Variants in FRMPD4 observed in about 807,000 individuals in gnomAD.
FRMPD4 encodes the protein FERM and PDZ domain-containing protein 4.
FRMPD4 carries 22 observed loss-of-function variants against 94.1 expected under a neutral mutation model. The observed-to-expected ratio is 0.23, with a 90% CI of 0.17 to 0.33. The LOEUF (loss-of-function observed/expected upper bound fraction) is 0.33. FRMPD4 is among the 10% of genes least tolerant of loss of function. FRMPD4 has a pLI of 1.00. For missense variants in FRMPD4, 1,111 were observed against 1,339.9 expected (o/e 0.83, Z 2.67); for synonymous variants, 631 against 548.6 (o/e 1.15, Z -2.10).
intron 4 of FRMPD4, among the ~76,000 whole-genome samples, chrX:12,647,628 A>G (rs1278982711): frequency 1.8e-5 from 2 of 111,057 alleles, no homozygotes; most frequent in Non-Finnish European, 3.8e-5. Context: ...CCCCTTGAAC[A>G]CTCACTCTAT....
chrX:12,490,517 A>G (rs1408057118), intron 1 of FRMPD4, among the ~76,000 whole-genome samples: 1 of 112,406 alleles, frequency 8.9e-6, no homozygotes, highest in African/African-American at 3.2e-5. Context: ...CAAACTAGGC[A>G]TTCAATCAAT....
At chrX:12,479,779 C>T (rs2057659954) in intron 1 of FRMPD4, among the ~76,000 whole-genome samples, 1 of 110,486 alleles carries the variant, frequency 9.1e-6, no homozygotes, top group Non-Finnish European at 1.9e-5. Context: ...GGATTATAGG[C>T]ATGAGCCACT....
At chrX:11,838,543 G>C (rs2053514972) in intron 1 of FRMPD4, among the ~76,000 whole-genome samples, 5 of 111,178 alleles carry the variant, frequency 4.5e-5, no homozygotes, top group Admixed American at 1.9e-4. Context: ...TGAACGTATA[G>C]AGTTGTGTAA....
intron 1 of FRMPD4, among the ~76,000 whole-genome samples, chrX:12,307,586 G>T (rs2147900849): frequency 9.0e-6 from 1 of 111,591 alleles, no homozygotes; most frequent in South Asian, 3.8e-4. Context: ...GGGAAGTATT[G>T]ACTGGGAAGA....
intron 1 of FRMPD4, among the ~76,000 whole-genome samples, chrX:12,228,561 C>T (rs1248706961): frequency 1.8e-5 from 2 of 111,888 alleles, no homozygotes; most frequent in African/African-American, 6.5e-5. Context: ...GGGTCTAGTC[C>T]ACCAGACATG....
intron 4 of FRMPD4, among the ~76,000 whole-genome samples, chrX:12,667,687 A>G (rs113555284): frequency 2.4e-4 from 27 of 112,129 alleles, no homozygotes; most frequent in African/African-American, 4.5e-4. Flanking sequence ...ATGACATCCA[A>G]TGAAATCATA....
intron 2 of FRMPD4, among the ~76,000 whole-genome samples, chrX:12,586,553 T>C (rs2058930068): frequency 8.9e-6 from 1 of 112,655 alleles, no homozygotes; most frequent in African/African-American, 3.2e-5. Context: ...AAGCGGACCA[T>C]GCAGACATAA....
intron 3 of FRMPD4, among the ~76,000 whole-genome samples, chrX:12,114,036 G>A: frequency 9.0e-6 from 1 of 111,668 alleles, no homozygotes; most frequent in East Asian, 2.8e-4. Context: ...TAATCTCTTT[G>A]TATCTTTTTA....
At chrX:12,550,521 A>G (rs1297169132) in intron 2 of FRMPD4, among the ~76,000 whole-genome samples, 3 of 111,633 alleles carry the variant, frequency 2.7e-5, no homozygotes, top group Admixed American at 9.5e-5. Flanking sequence ...GTATACTGCT[A>G]CTGAATATTT....
chrX:11,838,155 C>A (rs911712361), intron 1 of FRMPD4, among the ~76,000 whole-genome samples: 30 of 111,243 alleles, frequency 2.7e-4, no homozygotes, highest in African/African-American at 9.8e-4. Flanking sequence ...CAGAACACAC[C>A]ACAAAGATCT....
intron 1 of FRMPD4, among the ~76,000 whole-genome samples, chrX:12,150,304 C>T (rs1420169610): frequency 8.9e-6 from 1 of 112,003 alleles, no homozygotes; most frequent in Non-Finnish European, 1.9e-5. Flanking sequence ...CATCAGATTG[C>T]ACTGCTCCTT....
chrX:11,828,612 G>T (rs913346299), intron 1 of FRMPD4, among the ~76,000 whole-genome samples: 1 of 112,129 alleles, frequency 8.9e-6, no homozygotes, highest in African/African-American at 3.2e-5. Flanking sequence ...CCCATCGAAA[G>T]TGGGCAAATG....
At chrX:11,990,346 T>C (rs952327354) in intron 3 of FRMPD4, among the ~76,000 whole-genome samples, 5 of 112,080 alleles carry the variant, frequency 4.5e-5, no homozygotes, top group African/African-American at 1.3e-4. Context: ...ACATCCCCCA[T>C]TGGGGGGATG....
intron 1 of FRMPD4, among the ~76,000 whole-genome samples, chrX:12,418,350 C>T (rs370519729): frequency 5.9e-4 from 48 of 81,017 alleles, no homozygotes; most frequent in African/African-American, 1.1e-3. Flanking sequence ...GTGTTTCTTT[C>T]TTTTTTTTTT....
intron 3 of FRMPD4, among the ~76,000 whole-genome samples, chrX:12,111,386 G>C (rs2055359903): frequency 9.0e-6 from 1 of 111,712 alleles, no homozygotes; most frequent in South Asian, 3.8e-4. Context: ...GCTGAAACTG[G>C]ATCCCTTCCT....
At chrX:12,537,782 A>T (rs777702656) in intron 2 of FRMPD4, among the ~76,000 whole-genome samples, 1 of 109,754 alleles carries the variant, frequency 9.1e-6, no homozygotes, top group Non-Finnish European at 1.9e-5. Context: ...TTTATTCTTT[A>T]AGCACGCCTA....
At chrX:12,237,675 C>T (rs2057085693) in intron 1 of FRMPD4, among the ~76,000 whole-genome samples, 1 of 111,727 alleles carries the variant, frequency 9.0e-6, no homozygotes, top group Non-Finnish European at 1.9e-5. Flanking sequence ...TTTATCCACC[C>T]AGAGCTAGTT....
At chrX:12,147,955 T>G (rs1486258791) in intron 1 of FRMPD4, among the ~76,000 whole-genome samples, 2 of 112,036 alleles carry the variant, frequency 1.8e-5, no homozygotes, top group African/African-American at 6.5e-5. Flanking sequence ...ACTTAATTGA[T>G]AAATGTTGTG....
At chrX:12,617,591 C>T (rs946927157) in intron 4 of FRMPD4, among the ~76,000 whole-genome samples, 2 of 112,378 alleles carry the variant, frequency 1.8e-5, no homozygotes, top group Non-Finnish European at 1.9e-5. Flanking sequence ...TTTTACTGGG[C>T]TCCTCAGCTG....
Sources: allele counts gnomAD v4.1 joint callset (sites outside exome capture counted in the v4.1 genomes callset), GRCh38; gene constraint gnomAD v4.1.1; transcripts MANE v1.5; gene names NCBI Gene and HGNC (gene_info 2026-07-23, HGNC 2026-07-21).